The following SLC47A2 variants were observed in gnomAD, a reference collection of about 807,000 sequenced individuals.
SLC47A2 encodes multidrug and toxin extrusion protein 2.
Under a neutral mutation model 67.7 loss-of-function variants are expected in SLC47A2, and 52 were observed. The ratio of observed to expected loss-of-function variants is 0.77; its 90% CI spans 0.61 to 0.97. The LOEUF is 0.97. Ranked by LOEUF, SLC47A2 falls within the 50% of genes least tolerant of loss-of-function variation. The pLI is 0.00. For missense variants in SLC47A2, 676 were observed against 712.3 expected (o/e 0.95, Z 0.58); for synonymous variants, 278 against 292.9 (o/e 0.95, Z 0.52).
At chr17:19,700,150 C>T (rs961818847) in intron 13 of SLC47A2, among the ~76,000 whole-genome samples, 1 of 152,086 alleles carries the variant, frequency 6.6e-6, no homozygotes, top group Non-Finnish European at 1.5e-5. Context: ...GGAAATTCTG[C>T]GGGGTGATGG....
At chr17:19,714,277 C>A (rs556697956) in intron 3 of SLC47A2, among the ~76,000 whole-genome samples, 1 of 152,350 alleles carries the variant, frequency 6.6e-6, no homozygotes, top group African/African-American at 2.4e-5. Flanking sequence ...GCTAAAACCC[C>A]CAGGGAGAGG....
chr17:19,703,946 G>T (rs2085856572), intron 11 of SLC47A2, 124 bp downstream of exon 11: 1 of 670,546 alleles, frequency 1.5e-6, no homozygotes, highest in African/African-American at 1.9e-5. Flanking sequence ...GGTCCAGCAG[G>T]CTTGGAAGAT....
intron 13 of SLC47A2, chr17:19,702,046 C>CTGCAA: frequency 1.2e-6 from 1 of 802,436 alleles, no homozygotes. Flanking sequence ...GAGGTTGAGG[C>CTGCAA]TGCAGTGAGC....
intron 5 of SLC47A2, among the ~76,000 whole-genome samples, chr17:19,710,772 C>T (rs2152359245): frequency 6.7e-6 from 1 of 149,592 alleles, no homozygotes; most frequent in South Asian, 2.1e-4. Flanking sequence ...CTTTTAAGCT[C>T]GTTAAAGACA....
intron 5 of SLC47A2, among the ~76,000 whole-genome samples, chr17:19,711,606 AAAAAAAAAAAG>A (rs2086101125): frequency 6.7e-6 from 1 of 150,336 alleles, no homozygotes; most frequent in Non-Finnish European, 1.5e-5. Flanking sequence ...AAAAAAAAAA[AAAAAAAAAAAG>A]AAAAGAAAAA....
At chr17:19,708,161 C>T in intron 7 of SLC47A2, 141 bp downstream of exon 7, 2 of 919,804 alleles carry the variant, frequency 2.2e-6, no homozygotes, top group Non-Finnish European at 3.2e-6. Context: ...AAGGGACCAT[C>T]AGGCCCCTCC....
chr17:19,691,382 T>C (rs1443622269), intron 13 of SLC47A2, among the ~76,000 whole-genome samples: 3 of 151,996 alleles, frequency 2.0e-5, no homozygotes, highest in East Asian at 1.9e-4. Flanking sequence ...ATGAAGAAAA[T>C]GTGGCACGTA....
At chr17:19,696,867 T>C (rs1422770251) in intron 13 of SLC47A2, among the ~76,000 whole-genome samples, 1 of 152,208 alleles carries the variant, frequency 6.6e-6, no homozygotes, top group Non-Finnish European at 1.5e-5. Flanking sequence ...TGACAACATC[T>C]GTTGAGGGCC....
intron 10 of SLC47A2, chr17:19,705,101 C>T (rs974134425): frequency 1.0e-5 from 4 of 386,496 alleles, no homozygotes; most frequent in Admixed American, 4.5e-5. Context: ...GGATTACACA[C>T]GTGAGCCACT....
intron 13 of SLC47A2, chr17:19,701,950 A>C (rs1040948131): frequency 3.7e-5 from 7 of 188,312 alleles, no homozygotes; most frequent in African/African-American, 7.2e-5. Context: ...AAAATACGAA[A>C]ATTTAAAAAT....
intron 13 of SLC47A2, among the ~76,000 whole-genome samples, chr17:19,682,670 A>G (rs1256284208): frequency 6.6e-6 from 1 of 152,218 alleles, no homozygotes; most frequent in Non-Finnish European, 1.5e-5. Context: ...CACACCTGCA[A>G]AGTCCCATTT....
intron 13 of SLC47A2, among the ~76,000 whole-genome samples, chr17:19,699,689 A>G (rs939279677): frequency 3.3e-5 from 5 of 152,170 alleles, no homozygotes; most frequent in Non-Finnish European, 7.4e-5. Flanking sequence ...CAGCACTGGT[A>G]TGCTGGCATG....
intron 5 of SLC47A2, among the ~76,000 whole-genome samples, chr17:19,711,586 C>G (rs2086097061): frequency 4.3e-5 from 1 of 23,426 alleles, no homozygotes; most frequent in Non-Finnish European, 8.5e-5. Context: ...AAAACTCCGT[C>G]TCAAAAAAAA....
intron 5 of SLC47A2, among the ~76,000 whole-genome samples, chr17:19,709,138 GC>G (rs2086028918): frequency 6.6e-6 from 1 of 152,246 alleles, no homozygotes; most frequent in Non-Finnish European, 1.5e-5. Context: ...TCACAGAAGG[GC>G]CCACTTTGGT....
intron 15 of SLC47A2, among the ~76,000 whole-genome samples, chr17:19,680,915 G>A (rs1271152092): frequency 1.3e-5 from 2 of 152,104 alleles, no homozygotes; most frequent in Non-Finnish European, 2.9e-5. Context: ...AGGCTCAGGT[G>A]GCCCCTCTGT....
At chr17:19,716,857 G>A (rs1483227428), upstream of SLC47A2, 1 of 339,772 alleles carries the variant, frequency 2.9e-6, no homozygotes, top group African/African-American at 2.1e-5. Flanking sequence ...GCAGGAGAAG[G>A]TCCAGGGCTG....
At chr17:19,701,414 A>G (rs911718757) in intron 13 of SLC47A2, among the ~76,000 whole-genome samples, 1 of 152,156 alleles carries the variant, frequency 6.6e-6, no homozygotes, top group African/African-American at 2.4e-5. Context: ...GGCCTTTGGA[A>G]ATATCCTCCA....
intron 13 of SLC47A2, among the ~76,000 whole-genome samples, chr17:19,683,676 A>G (rs1277395100): frequency 6.6e-6 from 1 of 152,196 alleles, no homozygotes; most frequent in Non-Finnish European, 1.5e-5. Flanking sequence ...CGTAGTACCC[A>G]GAAGAAAGTA....
chr17:19,711,703 G>C (rs2086106155), intron 5 of SLC47A2, among the ~76,000 whole-genome samples: 2 of 150,826 alleles, frequency 1.3e-5, no homozygotes, highest in Non-Finnish European at 2.9e-5. Context: ...GGAAGTTTTT[G>C]CTGGTGGGAG....
Sources: gnomAD v4.1 joint callset for allele counts (sites outside exome capture counted in the v4.1 genomes callset) on GRCh38, gnomAD v4.1.1 for gene constraint, MANE v1.5 for transcripts, NCBI Gene and HGNC (gene_info 2026-07-23, HGNC 2026-07-21) for gene names.